HSF2BP: variants seen among roughly 807,000 people sequenced by gnomAD.
HSF2BP encodes heat shock factor 2-binding protein.
HSF2BP carries 35 observed loss-of-function variants against 35.0 expected under a neutral mutation model. That is an observed-to-expected ratio of 1.00 (90% CI 0.76 to 1.32). The LOEUF is 1.32. HSF2BP is among the 40% of genes most tolerant of loss of function. The pLI is 0.00. For missense variants in HSF2BP, 326 were observed against 321.7 expected (o/e 1.01, Z -0.10); for synonymous variants, 114 against 117.4 (o/e 0.97, Z 0.18).
chr21:43,635,612 A>T (rs189594289), intron 4 of HSF2BP, among the ~76,000 whole-genome samples: 81 of 152,282 alleles, frequency 5.3e-4, no homozygotes, highest in African/African-American at 1.9e-3. Flanking sequence ...TGCAAAAAAA[A>T]AATAATTCAA....
chr21:43,618,505 G>A (rs2082295735), intron 6 of HSF2BP, among the ~76,000 whole-genome samples: 1 of 152,144 alleles, frequency 6.6e-6, no homozygotes. Context: ...CAAATCAATG[G>A]AGAAATGATA....
intron 7 of HSF2BP, among the ~76,000 whole-genome samples, chr21:43,607,228 T>C (rs1484934680): frequency 6.6e-6 from 1 of 150,918 alleles, no homozygotes; most frequent in Non-Finnish European, 1.5e-5. Flanking sequence ...AGGTCGAGGC[T>C]GCAGTGAGCC....
intron 8 of HSF2BP, among the ~76,000 whole-genome samples, chr21:43,582,013 T>C (rs2081748460): frequency 1.0e-5 from 1 of 99,648 alleles, no homozygotes; most frequent in Admixed American, 1.2e-4. Context: ...GAGTGCCTGC[T>C]GTGGGGGATG....
intron 3 of HSF2BP, among the ~76,000 whole-genome samples, chr21:43,647,411 A>C (rs2082722768): frequency 6.6e-6 from 1 of 151,988 alleles, no homozygotes; most frequent in Non-Finnish European, 1.5e-5. Context: ...TTGTATTTTT[A>C]GTAGAGATGG....
At chr21:43,583,849 G>A (rs1389174447) in intron 8 of HSF2BP, among the ~76,000 whole-genome samples, 5 of 144,758 alleles carry the variant, frequency 3.5e-5, no homozygotes, top group African/African-American at 1.0e-4. Flanking sequence ...ACCTGCCGAA[G>A]GAGATGAAGG....
At chr21:43,611,691 C>A (rs2082206543) in intron 7 of HSF2BP, among the ~76,000 whole-genome samples, 1 of 152,224 alleles carries the variant, frequency 6.6e-6, no homozygotes, top group African/African-American at 2.4e-5. Flanking sequence ...GGACATCCCC[C>A]AGGTAACTCA....
At chr21:43,616,978 A>G (rs1364204680) in intron 6 of HSF2BP, among the ~76,000 whole-genome samples, 33 of 152,158 alleles carry the variant, frequency 2.2e-4, no homozygotes. Context: ...AGCACAGTGA[A>G]GAAGCCTTGA....
the HSF2BP span, among the ~76,000 whole-genome samples, chr21:43,495,588 G>A: frequency 1.8e-5 from 2 of 114,022 alleles, no homozygotes; most frequent in Non-Finnish European, 1.9e-5. Context: ...GGCCTCTCCC[G>A]GAGGCCACCT....
chr21:43,656,320 G>C (rs183373326), intron 3 of HSF2BP, among the ~76,000 whole-genome samples: 9 of 152,258 alleles, frequency 5.9e-5, no homozygotes, highest in East Asian at 5.8e-4. Context: ...GTTATCAAAA[G>C]TATAAAATTC....
intron 7 of HSF2BP, among the ~76,000 whole-genome samples, chr21:43,599,259 A>T (rs575432101): frequency 1.3e-5 from 2 of 152,314 alleles, no homozygotes; most frequent in Admixed American, 6.5e-5. Flanking sequence ...TACAACAACC[A>T]TGTTGCCACC....
At chr21:43,656,533 T>C in intron 3 of HSF2BP, 54 bp downstream of exon 3, 1 of 1,528,364 alleles carries the variant, frequency 6.5e-7, no homozygotes, top group Non-Finnish European at 8.9e-7. Context: ...CTAGGGTAAA[T>C]CTGCTAGAAC....
intron 8 of HSF2BP, among the ~76,000 whole-genome samples, chr21:43,574,260 G>A (rs1328903352): frequency 6.6e-6 from 1 of 151,836 alleles, no homozygotes; most frequent in Non-Finnish European, 1.5e-5. Context: ...GCCATGCACT[G>A]GCTGACTCCT....
At chr21:43,585,856 G>A (rs940685759) in intron 8 of HSF2BP, among the ~76,000 whole-genome samples, 3 of 152,202 alleles carry the variant, frequency 2.0e-5, no homozygotes, top group African/African-American at 7.2e-5. Flanking sequence ...AGAATTTGGT[G>A]TGAGGGAAGA....
At chr21:43,616,604 C>T (rs568629810) in intron 6 of HSF2BP, among the ~76,000 whole-genome samples, 69 of 152,162 alleles carry the variant, frequency 4.5e-4, no homozygotes, top group Non-Finnish European at 7.5e-4. Flanking sequence ...GATTGCACTA[C>T]TGCACTCCAG....
chr21:43,621,216 A>G (rs1479655530), intron 6 of HSF2BP, among the ~76,000 whole-genome samples: 1 of 152,260 alleles, frequency 6.6e-6, no homozygotes, highest in African/African-American at 2.4e-5. Flanking sequence ...ATCTGGTGAC[A>G]GACTTCTCAA....
At chr21:43,645,233 A>T (rs2082693063) in intron 3 of HSF2BP, among the ~76,000 whole-genome samples, 1 of 152,158 alleles carries the variant, frequency 6.6e-6, no homozygotes, top group Non-Finnish European at 1.5e-5. Context: ...ATGATTCTCA[A>T]ACTTTAGCGT....
intron 7 of HSF2BP, among the ~76,000 whole-genome samples, chr21:43,604,670 CCACCACA>C (rs1388407921): frequency 9.9e-6 from 1 of 101,272 alleles, no homozygotes; most frequent in Admixed American, 9.4e-5. Flanking sequence ...CACACACACA[CCACCACA>C]CACCACACAC....
chr21:43,653,325 G>A (rs1028987961), intron 3 of HSF2BP, among the ~76,000 whole-genome samples: 4 of 152,086 alleles, frequency 2.6e-5, no homozygotes, highest in Admixed American at 2.0e-4. Context: ...ACAGTAGGGT[G>A]CTCCCTCAAG....
chr21:43,575,283 C>G (rs987188851), intron 8 of HSF2BP, among the ~76,000 whole-genome samples: 8 of 152,242 alleles, frequency 5.3e-5, no homozygotes, highest in African/African-American at 1.9e-4. Context: ...CGAGGTGACG[C>G]AGCCTCATCC....
Sources: allele counts gnomAD v4.1 joint callset (sites outside exome capture counted in the v4.1 genomes callset), GRCh38; gene constraint gnomAD v4.1.1; transcripts MANE v1.5; gene names NCBI Gene and HGNC (gene_info 2026-07-23, HGNC 2026-07-21).